Variants in EVI5 observed in about 807,000 individuals in gnomAD.
EVI5 encodes the protein ecotropic viral integration site 5 protein homolog.
EVI5 carries 73 observed loss-of-function variants against 112.0 expected under a neutral mutation model. The ratio of observed to expected loss-of-function variants is 0.65; its 90% CI spans 0.54 to 0.79. EVI5 has a LOEUF of 0.79. Ranked by LOEUF, EVI5 falls within the 30% of genes least tolerant of loss-of-function variation. The pLI is 0.00. For missense variants in EVI5, 900 were observed against 968.8 expected, an observed-to-expected ratio of 0.93 and a Z score of 0.94; for synonymous variants, 305 against 319.9, an observed-to-expected ratio of 0.95 and a Z score of 0.50.
intron 10 of EVI5, among the ~76,000 whole-genome samples, chr1:92,669,413 T>G (rs541260376): frequency 6.4e-4 from 98 of 152,010 alleles, no homozygotes; most frequent in African/African-American, 2.2e-3. Context: ...CCTGGCATGG[T>G]GGCGCATGCC....
chr1:92,692,261 G>A (rs1227433496), intron 9 of EVI5, among the ~76,000 whole-genome samples: 1 of 152,214 alleles, frequency 6.6e-6, no homozygotes, highest in Non-Finnish European at 1.5e-5. Flanking sequence ...TATGCAAGGA[G>A]AATTAGTTAC....
intron 6 of EVI5, 82 bp from the exon 7 acceptor site, chr1:92,695,535 T>A: frequency 1.2e-6 from 1 of 850,750 alleles, no homozygotes; most frequent in Non-Finnish European, 1.8e-6. Context: ...GATTAGCCTA[T>A]ACCAAACACA....
intron 19 of EVI5, among the ~76,000 whole-genome samples, chr1:92,525,153 T>C (rs762811494): frequency 3.0e-4 from 45 of 151,812 alleles, no homozygotes; most frequent in Non-Finnish European, 5.7e-4. Flanking sequence ...TTAATACAAC[T>C]CAACAGCCAT....
rs755093806 is a variant in EVI5 at position 92,556,401 on chromosome 1, A to G, written c.2166+7241T>C. On this transcript the variant is annotated intron_variant, in intron 19 of 19. Transcript: ENST00000684568. ...TAAGGAAAAAAAAATCCAAAGAAATATAAGAGGACATATAGTAAGTTCTCA... is the reference window on the plus strand; with the variant it reads ...TAAGGAAAAAAAAATCCAAAGAAATGTAAGAGGACATATAGTAAGTTCTCA... Among the ~76,000 whole-genome samples the G allele has an allele frequency of 3.9e-5, 6 of 152,334 alleles. No homozygotes were observed. The South Asian group carries it at 1.2e-3, about 32-fold the overall frequency.
At chr1:92,780,850 A>C (rs1312859338) in intron 1 of EVI5, among the ~76,000 whole-genome samples, 3 of 148,790 alleles carry the variant, frequency 2.0e-5, no homozygotes, top group Non-Finnish European at 4.4e-5. Context: ...AAAAAAAAGT[A>C]AATTTTTTTT....
chr1:92,773,564 C>G (rs1014585041), intron 1 of EVI5, among the ~76,000 whole-genome samples: 2 of 152,052 alleles, frequency 1.3e-5, no homozygotes, highest in Non-Finnish European at 2.9e-5. Context: ...ATCGCTTGAG[C>G]CCAGGAGCTC....
At chr1:92,574,368 T>C (rs981202970) in intron 18 of EVI5, among the ~76,000 whole-genome samples, 3 of 152,310 alleles carry the variant, frequency 2.0e-5, no homozygotes, top group African/African-American at 2.4e-5. Flanking sequence ...TCTTCACCTG[T>C]ATCAGCTGCA....
intron 1 of EVI5, among the ~76,000 whole-genome samples, chr1:92,744,280 TTGC>T (rs1678905677): frequency 6.6e-6 from 1 of 152,294 alleles, no homozygotes; most frequent in African/African-American, 2.4e-5. Flanking sequence ...AATGTGTTTT[TTGC>T]TGTTGTTGGA....
intron 13 of EVI5, 48 bp from the exon 14 acceptor site, chr1:92,636,384 T>C (rs1454564741): frequency 6.6e-7 from 1 of 1,516,390 alleles, no homozygotes; most frequent in East Asian, 2.3e-5. Context: ...TATAAACATG[T>C]ATATACAATA....
At chr1:92,746,237 G>A (rs907005278) in intron 1 of EVI5, among the ~76,000 whole-genome samples, 3 of 152,170 alleles carry the variant, frequency 2.0e-5, no homozygotes, top group African/African-American at 7.2e-5. Flanking sequence ...AAGGCTGTCC[G>A]AGTTGTGAAT....
intron 14 of EVI5, among the ~76,000 whole-genome samples, chr1:92,628,874 A>G (rs1440551013): frequency 6.6e-6 from 1 of 152,224 alleles, no homozygotes; most frequent in Non-Finnish European, 1.5e-5. Flanking sequence ...TCAATTGAAA[A>G]CCAAAAATTT....
chr1:92,636,299 A>G lies in EVI5; in HGVS notation c.1430T>C (p.Leu477Pro), dbSNP rs1430068683. 1 of 1,613,848 alleles carries G rather than the reference A, an allele frequency of 6.2e-7. No homozygotes were observed. The highest frequency in any genetic ancestry group is 1.7e-5 in the Admixed American group (1 of 60,018). ...CSSNYNEDFV[L>P]QLEKELVQAR... The stretch of plus-strand genomic sequence containing the variant: ...TTGGACCAATTCCTTCTCTAGCTGT[A>G]GCACAAAATCTTCGTTGTAGTTGGA... Residue 477 changes from leucine (L) to proline (P), a missense_variant, in exon 14 of 20, where the codon CTA becomes CCA. Transcript: ENST00000684568.
rs191928658 is a variant in EVI5, at chr1:92,583,327, T to C, written c.2071-19590A>G. Among the ~76,000 whole-genome samples the C allele has an allele frequency of 2.7e-3, 413 of 151,894 alleles. 6 individuals carry two copies. Among genetic ancestry groups the C allele is most frequent in the African/African-American group, 9.7e-3 (400 of 41,420 alleles). The stretch of plus-strand genomic sequence containing the variant: ...AGTTTTGAGACCAGCCTGGCCAACA[T>C]GGTGAAACTCCATCTCTACTAAAAA... On this transcript the variant is annotated intron_variant, in intron 18 of 19. Transcript: ENST00000684568.
At position 92,513,527 on chromosome 1, in the gene EVI5, A is replaced by C; in HGVS notation, c.*129T>G. 5.6e-5 allele frequency: 1 copy of C among 17,836 alleles called. No individual in the cohort carries two copies. Among genetic ancestry groups the C allele is most frequent in the Non-Finnish European group, 9.1e-5 (1 of 10,954 alleles). 1.1% of individuals were successfully genotyped at this position (17,836 alleles called of 1,614,324 possible). On this transcript the variant is annotated 3_prime_UTR_variant, in exon 20 of 20. Transcript: ENST00000684568. ...GACTGTAAAATATATATATATATATATATATATATATATATATATATATAT... is the reference window on the plus strand; with the variant it reads ...GACTGTAAAATATATATATATATATCTATATATATATATATATATATATAT...
intron 2 of EVI5, among the ~76,000 whole-genome samples, chr1:92,713,028 T>C (rs950425629): frequency 6.6e-6 from 1 of 151,692 alleles, no homozygotes; most frequent in Non-Finnish European, 1.5e-5. Flanking sequence ...GCTTAAGCAA[T>C]CCTCCCACCT....
rs369453737 is a variant in EVI5 at position 92,656,214 on chromosome 1, G to T, written c.1392+6505C>A. Among the ~76,000 whole-genome samples the T allele has an allele frequency of 2.6e-5, 4 of 152,090 alleles. No individual in the cohort carries two copies. The South Asian group carries it at 6.2e-4, about 24-fold the overall frequency. On this transcript the variant is annotated intron_variant, in intron 13 of 19. Transcript: ENST00000684568. ...ATCAAGTCTCTTCTTGGACCACAGT[G>T]GAATGTAACTAGAAACTGATTCCAA... is the stretch of plus-strand genomic sequence containing the variant.
At chr1:92,720,976 C>T (rs1053707962) in intron 2 of EVI5, among the ~76,000 whole-genome samples, 2 of 152,104 alleles carry the variant, frequency 1.3e-5, no homozygotes, top group African/African-American at 2.4e-5. Context: ...AATGAGATAC[C>T]ATACCATCTC....
intron 19 of EVI5, among the ~76,000 whole-genome samples, chr1:92,562,639 C>G (rs1213603284): frequency 1.3e-5 from 2 of 152,136 alleles, no homozygotes; most frequent in Admixed American, 1.3e-4. Flanking sequence ...GAATGATTCC[C>G]CAAATTTCAA....
At chr1:92,732,296 GA>G in intron 2 of EVI5, 1 of 392,238 alleles carries the variant, frequency 2.5e-6, no homozygotes. Flanking sequence ...TCACAAGTGT[GA>G]AAAACTGGAA....
Sources: allele counts gnomAD v4.1 joint callset (sites outside exome capture counted in the v4.1 genomes callset), GRCh38; gene constraint gnomAD v4.1.1; transcripts MANE v1.5; gene names NCBI Gene and HGNC (gene_info 2026-07-23, HGNC 2026-07-21).